Variants in LAMA2 observed in about 807,000 individuals in gnomAD.
The protein encoded by LAMA2 is laminin subunit alpha-2.
Under a neutral mutation model 364.8 loss-of-function variants are expected in LAMA2, and 269 were observed. The ratio of observed to expected loss-of-function variants is 0.74; its 90% CI spans 0.67 to 0.82. The LOEUF (loss-of-function observed/expected upper bound fraction) is 0.82, where lower values mean the gene tolerates loss of function less well. Ranked by LOEUF, LAMA2 falls within the 40% of genes least tolerant of loss-of-function variation. The pLI is 0.00. For synonymous variants in LAMA2, 1,379 were observed against 1,370.6 expected, an observed-to-expected ratio of 1.01 and a Z score of -0.14; for missense variants, 3,807 against 3,873.2, an observed-to-expected ratio of 0.98 and a Z score of 0.45.
intron 34 of LAMA2, among the ~76,000 whole-genome samples, chr6:129,380,772 C>T (rs191645452): frequency 8.5e-4 from 130 of 152,214 alleles, no homozygotes; most frequent in Non-Finnish European, 1.4e-3. Context: ...GGTCTTAGTG[C>T]TAATTGTTTT....
intron 4 of LAMA2, among the ~76,000 whole-genome samples, chr6:129,107,084 G>A (rs1421146272): frequency 6.6e-6 from 1 of 152,016 alleles, no homozygotes; most frequent in Non-Finnish European, 1.5e-5. Context: ...GTTAAGCTAG[G>A]TAAGGAAGCT....
intron 29 of LAMA2, among the ~76,000 whole-genome samples, chr6:129,330,434 G>A (rs1278934867): frequency 6.6e-6 from 1 of 151,526 alleles, no homozygotes; most frequent in African/African-American, 2.4e-5. Flanking sequence ...ATCATTCCTT[G>A]CTGATTTTCC....
At chr6:129,099,485 T>A (rs1583040511) in intron 4 of LAMA2, among the ~76,000 whole-genome samples, 1 of 152,168 alleles carries the variant, frequency 6.6e-6, no homozygotes, top group Non-Finnish European at 1.5e-5. Flanking sequence ...CCCTTTAGTA[T>A]ATGTGACCCA....
intron 13 of LAMA2, among the ~76,000 whole-genome samples, chr6:129,251,439 G>GT (rs1394831034): frequency 3.9e-5 from 6 of 151,968 alleles, no homozygotes; most frequent in Admixed American, 1.3e-4. Context: ...TTCAATTCAA[G>GT]GTGTTTGTAA....
chr6:129,172,467 GC>G (rs1780244786), intron 9 of LAMA2, among the ~76,000 whole-genome samples: 1 of 152,214 alleles, frequency 6.6e-6, no homozygotes, highest in Non-Finnish European at 1.5e-5. Flanking sequence ...GCTGGGGGGT[GC>G]CTCCCAGTTA....
intron 4 of LAMA2, among the ~76,000 whole-genome samples, chr6:129,121,125 C>T (rs987134566): frequency 3.3e-5 from 5 of 152,104 alleles, no homozygotes; most frequent in Admixed American, 2.6e-4. Flanking sequence ...AGACAAAGAC[C>T]TCCTTCTCCA....
intron 14 of LAMA2, among the ~76,000 whole-genome samples, chr6:129,255,293 C>A (rs1786565669): frequency 6.6e-6 from 1 of 150,458 alleles, no homozygotes; most frequent in Non-Finnish European, 1.5e-5. Context: ...GTAATCCCAG[C>A]TACTCAGGAG....
At chr6:129,310,684 A>G (rs1230406715) in intron 22 of LAMA2, among the ~76,000 whole-genome samples, 5 of 152,032 alleles carry the variant, frequency 3.3e-5, no homozygotes, top group African/African-American at 1.2e-4. Context: ...AAAGAAAGCT[A>G]TAAGGTGTCC....
chr6:129,331,654 C>CT (rs953730819), intron 29 of LAMA2, among the ~76,000 whole-genome samples: 7 of 151,398 alleles, frequency 4.6e-5, no homozygotes, highest in South Asian at 2.1e-4. Context: ...TATATTGTCA[C>CT]TTTTTTTTTC....
intron 10 of LAMA2, among the ~76,000 whole-genome samples, chr6:129,188,805 A>G (rs192731887): frequency 1.3e-5 from 2 of 151,984 alleles, no homozygotes. Context: ...CTTGGATATA[A>G]GGAGGACTGC....
chr6:129,504,011 A>C (rs1349540069), intron 60 of LAMA2, among the ~76,000 whole-genome samples: 2 of 152,226 alleles, frequency 1.3e-5, no homozygotes, highest in Admixed American at 1.3e-4. Flanking sequence ...TTGTCTCTGC[A>C]CCTGCGATAG....
chr6:129,147,108 G>T (rs1345143864), intron 6 of LAMA2, 60 bp downstream of exon 6: 2 of 1,072,000 alleles, frequency 1.9e-6, no homozygotes, highest in East Asian at 4.7e-5. Context: ...AATGTTTCAT[G>T]ACAGTCTTTG....
chr6:129,080,228 T>C (rs1167302796), intron 3 of LAMA2, among the ~76,000 whole-genome samples: 3 of 152,122 alleles, frequency 2.0e-5, no homozygotes, highest in Admixed American at 6.6e-5. Flanking sequence ...AACAACTTCC[T>C]CAAAATGACA....
intron 1 of LAMA2, among the ~76,000 whole-genome samples, chr6:129,029,756 G>GT (rs1786095358): frequency 1.3e-5 from 2 of 152,028 alleles, no homozygotes; most frequent in South Asian, 4.1e-4. Context: ...GGAAATGATT[G>GT]TAGCAAGTGG....
intron 12 of LAMA2, among the ~76,000 whole-genome samples, chr6:129,243,528 G>A (rs550443467): frequency 1.3e-5 from 2 of 151,790 alleles, no homozygotes; most frequent in South Asian, 2.1e-4. Context: ...AGCAGTGGAC[G>A]GGCTGAGCTT....
rs769335993 is a variant in LAMA2, at chr6:129,393,097, G to T, written c.5287G>T (p.Gly1763Trp). The T allele has an allele frequency of 6.2e-7, 1 of 1,614,044 alleles. No homozygotes were observed. Among genetic ancestry groups the T allele is most frequent in the Non-Finnish European group, 8.5e-7 (1 of 1,179,962 alleles). Residue 1763 changes from glycine (G) to tryptophan (W), a missense_variant, in exon 37 of 65, where the codon GGG becomes TGG. Transcript: ENST00000421865. Reference sequence around the variant, plus strand: ...GAAGAAGCTGTTTGGAGAGTCCCGGGGGGAAAATGAAGAAATGGAGAAGGA... The same window carrying T: ...GAAGAAGCTGTTTGGAGAGTCCCGGTGGGAAAATGAAGAAATGGAGAAGGA... ...KVKKLFGESR[G>W]ENEEMEKDLR...
intron 1 of LAMA2, among the ~76,000 whole-genome samples, chr6:129,043,727 T>G (rs767740417): frequency 1.5e-4 from 23 of 152,290 alleles, no homozygotes; most frequent in South Asian, 1.5e-3. Flanking sequence ...AATAGCACAT[T>G]GTAGAAACTC....
intron 14 of LAMA2, among the ~76,000 whole-genome samples, chr6:129,253,383 A>G (rs1052689979): frequency 1.3e-5 from 2 of 152,056 alleles, no homozygotes; most frequent in African/African-American, 4.8e-5. Flanking sequence ...GTCCCTCATC[A>G]TTTCCCTGTG....
chr6:128,900,109 C>T (rs770631863), intron 1 of LAMA2, among the ~76,000 whole-genome samples: 2 of 152,072 alleles, frequency 1.3e-5, no homozygotes, highest in Non-Finnish European at 2.9e-5. Context: ...AATGCATGTG[C>T]GTGAATGTCC....
Sources: allele counts gnomAD v4.1 joint callset (sites outside exome capture counted in the v4.1 genomes callset), GRCh38; gene constraint gnomAD v4.1.1; transcripts MANE v1.5; gene names NCBI Gene and HGNC (gene_info 2026-07-23, HGNC 2026-07-21).